The following ABCA6 variants were observed in gnomAD, a reference collection of about 807,000 sequenced individuals.
The protein encoded by ABCA6 is ATP-binding cassette sub-family A member 6.
ABCA6 carries 164 observed loss-of-function variants against 191.2 expected under a neutral mutation model. That is an observed-to-expected ratio of 0.86 (90% CI 0.76 to 0.98). ABCA6 has a LOEUF of 0.98. Ranked by LOEUF, ABCA6 falls within the 50% of genes least tolerant of loss-of-function variation. The pLI, the probability that ABCA6 is intolerant of heterozygous loss-of-function variation, is 0.00. For missense variants in ABCA6, 1,958 were observed against 1,894.1 expected (o/e 1.03, Z -0.63); for synonymous variants, 636 against 647.7 (o/e 0.98, Z 0.27).
Position 69,097,914 on chromosome 17 carries a change from T to C in ABCA6, c.3120+6A>G. Reference sequence around the variant, plus strand: ...GAAATTTCTTCTTTTCCCTGCTTTTTCTTACCTTGTAATCACTGATGCTGC... The same window carrying C: ...GAAATTTCTTCTTTTCCCTGCTTTTCCTTACCTTGTAATCACTGATGCTGC... On this transcript the variant is annotated splice_donor_region_variant and intron_variant, in intron 23 of 38. Transcript: ENST00000284425. 1 of 1,568,602 alleles carries C rather than the reference T, an allele frequency of 6.4e-7. No homozygotes were observed. Among genetic ancestry groups the C allele is most frequent in the African/African-American group, 1.4e-5 (1 of 72,158 alleles).
intron 5 of ABCA6, 69 bp from the exon 6 acceptor site, chr17:69,133,936 C>G (rs1377347458): frequency 9.1e-7 from 1 of 1,101,172 alleles, no homozygotes; most frequent in Admixed American, 2.7e-5. Flanking sequence ...TGAGTAAGCT[C>G]TGTGTATTTT....
chr17:69,112,577 C>T lies in ABCA6; in HGVS notation c.2042-304G>A, dbSNP rs115177424. 1,197 of 265,408 alleles carry T rather than the reference C, an allele frequency of 4.5e-3. 17 individuals carry two copies. Among genetic ancestry groups the T allele is most frequent in the African/African-American group, 0.025 (1,119 of 43,998 alleles). 16.4% of individuals were successfully genotyped at this position (265,408 alleles called of 1,614,324 possible). On this transcript the variant is annotated intron_variant, in intron 15 of 38. Coordinates refer to ENST00000284425, the MANE Select transcript of ABCA6 (RefSeq NM_080284.3). ...AACAGAAAGTCAAATACTGCATGTT[C>T]TCATTTATCAGTGAGAGCTAAAAAA... is the stretch of plus-strand genomic sequence containing the variant.
At position 69,078,934 on chromosome 17, in the gene ABCA6, T is replaced by C; in HGVS notation, c.*39A>G. On this transcript the variant is annotated 3_prime_UTR_variant, in exon 39 of 39. Coordinates refer to ENST00000284425, the MANE Select transcript of ABCA6 (RefSeq NM_080284.3). ...TATTAATTATTACATAAAACATGAG[T>C]TTATAGGAGATCAACAAAAAATTAC... 2 of 1,291,072 alleles carry C rather than the reference T, an allele frequency of 1.5e-6. No individual in the cohort carries two copies. Among genetic ancestry groups the C allele is most frequent in the South Asian group, 2.6e-5 (2 of 77,760 alleles). The allele number at this position is 1,291,072 out of a possible 1,614,324, so 80.0% of individuals were successfully genotyped here.
intron 17 of ABCA6, chr17:69,108,465 AATTTTGTGT>A (rs1292273625): frequency 2.0e-5 from 3 of 152,110 alleles, no homozygotes; most frequent in Non-Finnish European, 4.4e-5. Flanking sequence ...ATTGTTGAAA[AATTTTGTGT>A]ATTTTGTGTG....
chr17:69,087,252 C>A, intron 29 of ABCA6, 101 bp downstream of exon 29: 5 of 1,479,146 alleles, frequency 3.4e-6, no homozygotes, highest in Non-Finnish European at 4.6e-6. Flanking sequence ...AGAAATGCAC[C>A]AAACTCCAAA....
At chr17:69,136,391 A>C in intron 3 of ABCA6, 141 bp from the exon 4 acceptor site, 1 of 649,608 alleles carries the variant, frequency 1.5e-6, no homozygotes. Flanking sequence ...TTTAACCCAA[A>C]TGCAAGGGGG....
intron 11 of ABCA6, among the ~76,000 whole-genome samples, chr17:69,116,533 G>A (rs1464732097): frequency 6.6e-6 from 1 of 152,072 alleles, no homozygotes; most frequent in Admixed American, 6.6e-5. Context: ...TTATATTCAA[G>A]AAACAATTTA....
In ABCA6 at chr17:69,096,781, T is replaced by C. The variant is rs779834289; in HGVS notation, c.3141A>G (p.Leu1047=). ...SDYKKNAKSQ[L]WISGLYTSAY... is the part of the protein sequence containing the mutation. ...CAGAAGTGTAGAGGCCTGAAATCCATAGCTGGGACTTAGCATTTTTCTGAT... is the reference window on the plus strand; with the variant it reads ...CAGAAGTGTAGAGGCCTGAAATCCACAGCTGGGACTTAGCATTTTTCTGAT... Residue 1047 remains leucine (L), a synonymous_variant, in exon 24 of 39, where the codon CTA becomes CTG. Transcript: ENST00000284425. 14 of 1,530,730 alleles carry C rather than the reference T, an allele frequency of 9.1e-6. No individual in the cohort carries two copies. Among genetic ancestry groups the C allele is most frequent in the Non-Finnish European group, 1.2e-5 (14 of 1,150,236 alleles). 94.8% of individuals were successfully genotyped at this position (1,530,730 alleles called of 1,614,324 possible).
intron 36 of ABCA6, among the ~76,000 whole-genome samples, chr17:69,082,528 TTA>T (rs1481375091): frequency 3.9e-5 from 6 of 152,290 alleles, no homozygotes; most frequent in South Asian, 2.1e-4. Flanking sequence ...TTTTAAATAT[TTA>T]TATATGTTAA....
chr17:69,123,070 G>A (rs2144693266), intron 10 of ABCA6, among the ~76,000 whole-genome samples, 169 bp downstream of exon 10: 1 of 151,448 alleles, frequency 6.6e-6, no homozygotes, highest in African/African-American at 2.4e-5. Flanking sequence ...GCTAAATGAC[G>A]AGTTAATGGG....
At chr17:69,113,381 T>C (rs746663270) in intron 14 of ABCA6, 21 bp from the exon 15 acceptor site, 7 of 1,580,956 alleles carry the variant, frequency 4.4e-6, no homozygotes, top group South Asian at 3.5e-5. Flanking sequence ...TGAAGATATA[T>C]AAAATATGTC....
chr17:69,093,509 T>C (rs2072975134), intron 25 of ABCA6, among the ~76,000 whole-genome samples: 2 of 152,210 alleles, frequency 1.3e-5, no homozygotes, highest in African/African-American at 4.8e-5. Flanking sequence ...AGTCATGGCA[T>C]AAATGATAAA....
intron 23 of ABCA6, 70 bp from the exon 24 acceptor site, chr17:69,096,871 C>T: frequency 1.6e-6 from 2 of 1,276,662 alleles, no homozygotes; most frequent in Non-Finnish European, 2.1e-6. Flanking sequence ...AAAATAAACA[C>T]AAACACATTG....
At position 69,136,153 on chromosome 17, in the gene ABCA6, G is replaced by T; in HGVS notation, c.399C>A (p.Phe133Leu). Residue 133 changes from phenylalanine to leucine, a missense_variant, in exon 4 of 39, where the codon TTC becomes TTA. Phe to Leu is a conservative substitution (Grantham distance 22). Coordinates refer to ENST00000284425, the MANE Select transcript of ABCA6 (RefSeq NM_080284.3). ...YAMGIIFNETFSYKLIFFQGY... is the reference protein window; with the variant it reads ...YAMGIIFNETLSYKLIFFQGY... The stretch of plus-strand genomic sequence containing the variant: ...CCTGGAAAAATATTAACTTATAAGA[G>T]AAAGTTTCATTAAAGATGATTCCCA... 1 of 1,607,538 alleles carries T rather than the reference G, an allele frequency of 6.2e-7. No homozygotes were observed. Among genetic ancestry groups the T allele is most frequent in the South Asian group, 1.1e-5 (1 of 90,098 alleles).
chr17:69,127,019 C>T (rs7213831), intron 8 of ABCA6, among the ~76,000 whole-genome samples: 113,462 of 152,096 alleles, frequency 0.75, 43,077 homozygotes, highest in African/African-American at 0.88. Context: ...GGCTGAGTTA[C>T]GATAAAAGAA....
chr17:69,082,899 A>G lies in ABCA6; in HGVS notation c.4590T>C (p.Leu1530=). The G allele has an allele frequency of 6.2e-7, 1 of 1,614,198 alleles. No homozygotes were observed. ...VTLVHTEILK[L]FPQAAGQERY... ...TTTCCTGCCCTGCAGCCTGTGGGAA[A>G]AGCTTCAGAATCTCAGTGTGGACCA... Residue 1530 remains leucine (L), a synonymous_variant, in exon 36 of 39, where the codon CTT becomes CTC. Coordinates refer to ENST00000284425, the MANE Select transcript of ABCA6 (RefSeq NM_080284.3).
chr17:69,083,161 A>G, intron 35 of ABCA6, 51 bp downstream of exon 35: 6 of 1,562,248 alleles, frequency 3.8e-6, no homozygotes, highest in East Asian at 2.2e-5. Flanking sequence ...TGCCCTTTCC[A>G]TGGGAAATCT....
intron 24 of ABCA6, 116 bp from the exon 25 acceptor site, chr17:69,096,469 T>C (rs909101082): frequency 2.5e-6 from 2 of 802,024 alleles, no homozygotes; most frequent in African/African-American, 1.8e-5. Context: ...ATCTTTGGTA[T>C]CTGAAACTAT....
chr17:69,132,587 T>TG (rs1374442458), intron 6 of ABCA6, among the ~76,000 whole-genome samples: 3 of 152,134 alleles, frequency 2.0e-5, no homozygotes, highest in African/African-American at 7.2e-5. Flanking sequence ...TTCCAGCAAT[T>TG]CTCCTGCTTC....
Sources: gnomAD v4.1 joint callset for allele counts (sites outside exome capture counted in the v4.1 genomes callset) on GRCh38, gnomAD v4.1.1 for gene constraint, MANE v1.5 for transcripts, NCBI Gene and HGNC (gene_info 2026-07-23, HGNC 2026-07-21) for gene names.